The following CACNA1I variants were observed in gnomAD, a reference collection of about 807,000 sequenced individuals.
CACNA1I encodes voltage-dependent T-type calcium channel subunit alpha-1I.
CACNA1I carries 74 observed loss-of-function variants against 201.6 expected under a neutral mutation model. The ratio of observed to expected loss-of-function variants is 0.37; its 90% CI spans 0.30 to 0.45. The LOEUF (loss-of-function observed/expected upper bound fraction) is 0.45, where lower values mean the gene tolerates loss of function less well. Among genes scored for constraint, CACNA1I ranks in the 20% least tolerant of loss-of-function variants. The pLI is 1.00. For missense variants in CACNA1I, 2,346 were observed against 3,138.1 expected (o/e 0.75, Z 6.03); for synonymous variants, 1,431 against 1,345.2 (o/e 1.06, Z -1.40).
chr22:39,613,629 C>T (rs548940202), intron 3 of CACNA1I, among the ~76,000 whole-genome samples: 6 of 152,194 alleles, frequency 3.9e-5, no homozygotes, highest in African/African-American at 4.8e-5. Context: ...CTCTGACCAT[C>T]GGGTAGCACT....
chr22:39,628,490 G>T (rs1408069967), intron 4 of CACNA1I, among the ~76,000 whole-genome samples: 6 of 152,048 alleles, frequency 3.9e-5, no homozygotes, highest in Admixed American at 3.9e-4. Flanking sequence ...GAGGGTGTGA[G>T]CGCAGCCAGC....
intron 10 of CACNA1I, among the ~76,000 whole-genome samples, chr22:39,657,872 A>C (rs539827154): frequency 3.6e-4 from 55 of 152,256 alleles, no homozygotes; most frequent in African/African-American, 1.3e-3. Context: ...GTATCAGAAC[A>C]CTTCCCTGGT....
intron 1 of CACNA1I, among the ~76,000 whole-genome samples, chr22:39,586,579 T>C (rs1233725528): frequency 1.3e-5 from 2 of 152,234 alleles, no homozygotes; most frequent in African/African-American, 4.8e-5. Flanking sequence ...ACCCCTGTTC[T>C]AGAAGAGGAG....
intron 4 of CACNA1I, among the ~76,000 whole-genome samples, chr22:39,632,191 G>A (rs921057753): frequency 2.6e-5 from 4 of 152,176 alleles, no homozygotes; most frequent in African/African-American, 7.2e-5. Flanking sequence ...GGGACCGTGT[G>A]GAGCTGCCTT....
intron 35 of CACNA1I, among the ~76,000 whole-genome samples, chr22:39,683,150 C>A (rs1388378919): frequency 2.6e-5 from 4 of 152,218 alleles, no homozygotes; most frequent in Non-Finnish European, 5.9e-5. Flanking sequence ...CTGCAGTGTT[C>A]TGTTTATGCT....
At chr22:39,633,964 G>A (rs1934135530) in intron 4 of CACNA1I, among the ~76,000 whole-genome samples, 1 of 152,212 alleles carries the variant, frequency 6.6e-6, no homozygotes, top group South Asian at 2.1e-4. Flanking sequence ...AACAGTGACT[G>A]TCTCAGAGAC....
At chr22:39,600,329 C>A (rs1932996457) in intron 2 of CACNA1I, among the ~76,000 whole-genome samples, 191 bp from the exon 3 acceptor site, 1 of 152,166 alleles carries the variant, frequency 6.6e-6, no homozygotes, top group Non-Finnish European at 1.5e-5. Context: ...GGGCCACAGT[C>A]TCCTCATCTA....
At chr22:39,658,383 G>C (rs1324906787) in intron 11 of CACNA1I, 80 bp downstream of exon 11, 2 of 1,340,816 alleles carry the variant, frequency 1.5e-6, no homozygotes, top group African/African-American at 1.4e-5. Flanking sequence ...GCATATAAAG[G>C]ACATAAGATG....
intron 1 of CACNA1I, among the ~76,000 whole-genome samples, chr22:39,578,964 C>G (rs1173752841): frequency 4.6e-5 from 7 of 152,204 alleles, no homozygotes. Context: ...GCCCCACAAG[C>G]CCAACTTCCA....
rs954784385 is a variant in CACNA1I at position 39,686,333 on chromosome 22, C to T, written c.6600C>T (p.Pro2200=). The T allele has an allele frequency of 2.3e-5, 30 of 1,310,122 alleles. No individual in the cohort carries two copies. Among genetic ancestry groups the T allele is most frequent in the Non-Finnish European group, 2.8e-5 (29 of 1,028,438 alleles). 81.2% of individuals were successfully genotyped at this position (1,310,122 alleles called of 1,614,324 possible). ...CACCGCTGCCCATGGGCCTGGGCCCCTTGGCGCCCCCGCCGCAACCGCTCC... is the reference window on the plus strand; with the variant it reads ...CACCGCTGCCCATGGGCCTGGGCCCTTTGGCGCCCCCGCCGCAACCGCTCC... ...GRAPLPMGLG[P]LAPPPQPLPG... is the part of the protein sequence containing the mutation. The change falls in exon 37 of 37, where the codon CCC becomes CCT. Residue 2200 remains proline, a synonymous_variant. Coordinates refer to ENST00000402142, the MANE Select transcript of CACNA1I (RefSeq NM_021096.4).
intron 20 of CACNA1I, among the ~76,000 whole-genome samples, 179 bp from the exon 21 acceptor site, chr22:39,664,560 C>T (rs1185062069): frequency 6.6e-6 from 1 of 152,040 alleles, no homozygotes; most frequent in East Asian, 1.9e-4. Flanking sequence ...TCCCATCAAC[C>T]GCCCTCAGAG....
chr22:39,640,656 C>T (rs935478967), intron 5 of CACNA1I, among the ~76,000 whole-genome samples: 4 of 152,168 alleles, frequency 2.6e-5, no homozygotes, highest in Admixed American at 6.5e-5. Flanking sequence ...CAGTGAGGCT[C>T]CCCAGAGAAG....
At position 39,649,385 on chromosome 22, in the gene CACNA1I, G is replaced by A. The variant is rs755214585; in HGVS notation, c.1568-116G>A. The A allele has an allele frequency of 1.5e-4, 161 of 1,095,808 alleles. No homozygotes were observed. The highest frequency in any genetic ancestry group is 1.9e-4 in the Non-Finnish European group (152 of 795,536). The allele number at this position is 1,095,808 out of a possible 1,614,324, so 67.9% of individuals were successfully genotyped here. A position where few individuals can be genotyped will look rare whatever the true frequency, so the allele number is the denominator to read the frequency against. On this transcript the variant is annotated intron_variant, in intron 9 of 36. Transcript: ENST00000402142. The surrounding 1 kb of genome is among the most constrained non-coding windows in gnomAD (Gnocchi z 7.3). ...CCTGACCGCCTTTCCAGGCTGGGTC[G>A]GCTGGTTCCAGGCAGACCTGTGGGC...
At chr22:39,680,821 C>T (rs1935680181) in intron 33 of CACNA1I, 109 bp from the exon 34 acceptor site, 2 of 1,246,494 alleles carry the variant, frequency 1.6e-6, no homozygotes, top group Admixed American at 2.6e-5. Context: ...ACCTTTCTGA[C>T]CACTGCTCGG....
chr22:39,642,930 C>T, intron 7 of CACNA1I, 41 bp downstream of exon 7: 1 of 1,394,662 alleles, frequency 7.2e-7, no homozygotes, highest in Non-Finnish European at 1.0e-6. Context: ...GTGCTCAGAA[C>T]CCATGGACCA....
intron 3 of CACNA1I, among the ~76,000 whole-genome samples, chr22:39,601,681 G>T (rs1042641482): frequency 2.6e-5 from 4 of 151,942 alleles, no homozygotes; most frequent in African/African-American, 9.7e-5. Flanking sequence ...TAGACGCATG[G>T]CTGAGACGGA....
rs534379138 is a variant in CACNA1I at position 39,575,146 on chromosome 22, C to T, written c.236+4158C>T. 7.9e-4 allele frequency among the ~76,000 whole-genome samples: 120 copies of T among 152,364 alleles called. 1 individual carries two copies. The highest frequency in any genetic ancestry group is 2.8e-3 in the African/African-American group (115 of 41,588). On this transcript the variant is annotated intron_variant, in intron 1 of 36. Coordinates refer to ENST00000402142, the MANE Select transcript of CACNA1I (RefSeq NM_021096.4). ...GATGCAGCTGCAAGGCCTCTGGATT[C>T]GAAATGTCAGGGGATACATTGTGCT...
intron 10 of CACNA1I, among the ~76,000 whole-genome samples, chr22:39,657,164 G>A (rs562579082): frequency 2.0e-5 from 3 of 152,330 alleles, no homozygotes; most frequent in South Asian, 2.1e-4. Context: ...GCCCCCAGTC[G>A]TGGCCTCTAG....
chr22:39,633,555 T>C (rs946816535), intron 4 of CACNA1I, among the ~76,000 whole-genome samples: 14 of 152,126 alleles, frequency 9.2e-5, no homozygotes, highest in Non-Finnish European at 1.9e-4. Context: ...GGTGGCTGAA[T>C]AGGGATTTGC....
Sources: allele counts gnomAD v4.1 joint callset (sites outside exome capture counted in the v4.1 genomes callset), GRCh38; gene constraint gnomAD v4.1.1; non-coding constraint Gnocchi (gnomAD v3.1); transcripts MANE v1.5; gene names NCBI Gene and HGNC (gene_info 2026-07-23, HGNC 2026-07-21).